Variants in EBF1 observed in about 807,000 individuals in gnomAD.
EBF1 encodes EBF transcription factor 1.
EBF1 carries 10 observed loss-of-function variants against 68.4 expected under a neutral mutation model. That is an observed-to-expected ratio of 0.15 (90% CI 0.09 to 0.25). EBF1 has a LOEUF of 0.25. EBF1 is among the 10% of genes least tolerant of loss of function. The pLI, the probability that EBF1 is intolerant of heterozygous loss-of-function variation, is 1.00. For missense variants in EBF1, 509 were observed against 794.4 expected, an observed-to-expected ratio of 0.64 and a Z score of 4.32; for synonymous variants, 298 against 299.8, an observed-to-expected ratio of 0.99 and a Z score of 0.06.
In EBF1 at chr5:158,786,238, C is replaced by T. The variant is rs191776452; in HGVS notation, c.910-8699G>A. Among the ~76,000 whole-genome samples, 4 of 152,178 alleles carry T rather than the reference C, an allele frequency of 2.6e-5. No individual in the cohort carries two copies. In the East Asian group the frequency reaches 7.7e-4, roughly 29 times the overall value. On this transcript the variant is annotated intron_variant, in intron 9 of 15. Transcript: ENST00000313708. ...ATTAAGCATTCACAGAAATATACTG[C>T]CCAGTTCTGACCAGGCATCTAACCA...
intron 6 of EBF1, among the ~76,000 whole-genome samples, chr5:158,867,298 T>C (rs1261354197): frequency 6.6e-6 from 1 of 152,164 alleles, no homozygotes; most frequent in East Asian, 1.9e-4. Context: ...AGAGGTTACT[T>C]ATTTGCTTCT....
chr5:158,852,392 C>T (rs898886829), intron 6 of EBF1, among the ~76,000 whole-genome samples: 4 of 152,200 alleles, frequency 2.6e-5, no homozygotes, highest in African/African-American at 9.6e-5. Context: ...TGTCATCCCC[C>T]GGCCTCACAC....
At chr5:158,761,851 G>T (rs1004899160) in intron 10 of EBF1, among the ~76,000 whole-genome samples, 2 of 152,144 alleles carry the variant, frequency 1.3e-5, no homozygotes, top group Admixed American at 1.3e-4. Flanking sequence ...TTACATTAAG[G>T]TTTTATAATT....
chr5:158,718,661 C>T (rs756294588), intron 11 of EBF1, among the ~76,000 whole-genome samples: 19 of 152,140 alleles, frequency 1.2e-4, no homozygotes, highest in African/African-American at 3.4e-4. Flanking sequence ...AAGTTTCCAC[C>T]GCTGACTAGT....
chr5:158,860,118 G>A (rs1333523506), intron 6 of EBF1, among the ~76,000 whole-genome samples: 2 of 152,190 alleles, frequency 1.3e-5, no homozygotes, highest in African/African-American at 2.4e-5. Flanking sequence ...TACTAATGAT[G>A]CTATCAACAT....
intron 6 of EBF1, among the ~76,000 whole-genome samples, chr5:158,949,151 T>G (rs1026168775): frequency 6.6e-6 from 1 of 152,262 alleles, no homozygotes; most frequent in Admixed American, 6.5e-5. Flanking sequence ...TTTCCTGTTC[T>G]CCTTACAATT....
chr5:158,973,047 C>A (rs1055927024), intron 6 of EBF1, among the ~76,000 whole-genome samples: 8 of 152,198 alleles, frequency 5.3e-5, no homozygotes, highest in African/African-American at 1.9e-4. Context: ...CCCTATTTCC[C>A]AAACTATTTT....
At chr5:158,958,333 G>C (rs1011328010) in intron 6 of EBF1, among the ~76,000 whole-genome samples, 1 of 152,136 alleles carries the variant, frequency 6.6e-6, no homozygotes, top group African/African-American at 2.4e-5. Context: ...AGAAGGTTGT[G>C]ACCCACTCCT....
Position 158,895,693 on chromosome 5 carries a change from C to T in EBF1, c.555-55583G>A, listed in dbSNP as rs572195041. On this transcript the variant is annotated intron_variant, in intron 6 of 15. Coordinates refer to ENST00000313708, the MANE Select transcript of EBF1 (RefSeq NM_024007.5). The stretch of plus-strand genomic sequence containing the variant: ...AAGCAATTCAGATCAGGAGGAGTGA[C>T]CTGGCCAAAGGAGATTCTGAAGCCT... Among the ~76,000 whole-genome samples the T allele has an allele frequency of 2.0e-4, 31 of 152,260 alleles. No individual in the cohort carries two copies. In the South Asian group the frequency reaches 6.2e-3, roughly 31 times the overall value.
chr5:158,738,745 T>G (rs1240449322), intron 10 of EBF1, among the ~76,000 whole-genome samples: 1 of 152,218 alleles, frequency 6.6e-6, no homozygotes, highest in Non-Finnish European at 1.5e-5. Flanking sequence ...ATTTTTGTAG[T>G]CCTTTATTAT....
At chr5:158,986,245 ACTT>A (rs1583682397) in intron 6 of EBF1, 3 of 152,268 alleles carry the variant, frequency 2.0e-5, no homozygotes, top group Admixed American at 6.5e-5. Context: ...GCTGCTCTCT[ACTT>A]CTTAGTATAA....
At chr5:158,858,415 CCT>C (rs1385906069) in intron 6 of EBF1, among the ~76,000 whole-genome samples, 1 of 152,096 alleles carries the variant, frequency 6.6e-6, no homozygotes, top group East Asian at 1.9e-4. Flanking sequence ...AATAAAGCCA[CCT>C]CTGGATAACA....
chr5:158,716,769 G>C (rs529780656), intron 11 of EBF1, among the ~76,000 whole-genome samples: 1 of 152,130 alleles, frequency 6.6e-6, no homozygotes, highest in Non-Finnish European at 1.5e-5. Context: ...GCCCCCAGGC[G>C]TGTTTGTGTT....
intron 3 of EBF1, among the ~76,000 whole-genome samples, chr5:159,095,991 A>G (rs947107041): frequency 3.3e-5 from 5 of 152,236 alleles, no homozygotes; most frequent in Non-Finnish European, 5.9e-5. Flanking sequence ...TCTCGCACAC[A>G]GCCTTCAAGG....
At chr5:159,006,965 C>A (rs188924645) in intron 6 of EBF1, among the ~76,000 whole-genome samples, 1 of 152,284 alleles carries the variant, frequency 6.6e-6, no homozygotes, top group South Asian at 2.1e-4. Flanking sequence ...AAGAATGTCA[C>A]CTTCCTATTA....
intron 10 of EBF1, among the ~76,000 whole-genome samples, chr5:158,759,027 C>T (rs1050861729): frequency 1.3e-5 from 2 of 152,154 alleles, no homozygotes; most frequent in South Asian, 4.1e-4. Context: ...ATTCTCTTCC[C>T]TTGGAACCAA....
chr5:158,988,712 A>AT (rs1238750308), intron 6 of EBF1, among the ~76,000 whole-genome samples: 1 of 152,192 alleles, frequency 6.6e-6, no homozygotes, highest in East Asian at 1.9e-4. Context: ...CTTATCAATA[A>AT]TAATATAAAT....
chr5:158,897,115 A>G (rs1251793936), intron 6 of EBF1, among the ~76,000 whole-genome samples: 1 of 152,142 alleles, frequency 6.6e-6, no homozygotes, highest in East Asian at 1.9e-4. Flanking sequence ...ACATATATGA[A>G]CGTGTATGTT....
chr5:158,987,829 T>C (rs541365132), intron 6 of EBF1, among the ~76,000 whole-genome samples: 61 of 152,308 alleles, frequency 4.0e-4, no homozygotes, highest in African/African-American at 1.4e-3. Context: ...AAAAAATTAC[T>C]AGAAGCAATT....
Sources: allele counts gnomAD v4.1 joint callset (sites outside exome capture counted in the v4.1 genomes callset), GRCh38; gene constraint gnomAD v4.1.1; transcripts MANE v1.5; gene names NCBI Gene and HGNC (gene_info 2026-07-23, HGNC 2026-07-21).